Variants in FAAH2 observed in about 807,000 individuals in gnomAD.
The protein encoded by FAAH2 is fatty-acid amide hydrolase 2.
FAAH2 carries 60 observed loss-of-function variants against 36.9 expected under a neutral mutation model. The observed-to-expected ratio is 1.63, with a 90% CI of 1.32 to 2.02. The LOEUF is 2.02. Ranked by LOEUF, FAAH2 falls within the 30% of genes most tolerant of loss-of-function variation. FAAH2 has a pLI of 0.00. For missense variants in FAAH2, 689 were observed against 397.5 expected, an observed-to-expected ratio of 1.73 and a Z score of -6.23; for synonymous variants, 214 against 143.8, an observed-to-expected ratio of 1.49 and a Z score of -3.49.
In FAAH2 at chrX:57,295,314, G is replaced by A. The variant is rs1460343407; in HGVS notation, c.275+2734G>A. ...GAAAGGCTATTGTTGAAACAATGGT[G>A]TCAGGAACAGCAGGCAAACTGGAAG... On this transcript the variant is annotated intron_variant, in intron 2 of 10. Coordinates refer to ENST00000374900, the MANE Select transcript of FAAH2 (RefSeq NM_174912.4). Among the ~76,000 whole-genome samples, 3 of 112,238 alleles carry A rather than the reference G, an allele frequency of 2.7e-5. No individual in the cohort carries two copies. In the East Asian group the frequency reaches 8.4e-4, roughly 31 times the overall value.
intron 10 of FAAH2, among the ~76,000 whole-genome samples, chrX:57,476,993 G>A (rs1432605738): frequency 1.8e-5 from 2 of 111,171 alleles, no homozygotes; most frequent in African/African-American, 6.5e-5. Flanking sequence ...GCATAGAGGT[G>A]TTTACAGTAT....
At chrX:57,419,662 G>A (rs1344274993) in intron 7 of FAAH2, among the ~76,000 whole-genome samples, 1 of 111,689 alleles carries the variant, frequency 9.0e-6, no homozygotes, top group Non-Finnish European at 1.9e-5. Context: ...CTCCCAATTT[G>A]TAGGTTGCCT....
rs1399476272 is a variant in FAAH2 at position 57,488,870 on chromosome X, C to G, written c.1537C>G (p.Leu513Val). 8 of 1,210,979 alleles carry G rather than the reference C, an allele frequency of 6.6e-6. No individual in the cohort carries two copies. Among genetic ancestry groups the G allele is most frequent in the Non-Finnish European group, 8.9e-6 (8 of 895,348 alleles). ...VAGPFNDHLT[L>V]AVAQYLEKTF... ...TGGACCCTTTAATGATCATCTGACC[C>G]TGGCTGTGGCCCAGTACTTGGAGAA... is the stretch of plus-strand genomic sequence containing the variant. Residue 513 changes from leucine to valine, a missense_variant, in exon 11 of 11, where the codon CTG becomes GTG. By Grantham distance (32) the Leu-to-Val change is conservative. Transcript: ENST00000374900.
At chrX:57,453,275 T>C (rs2056815006) in intron 10 of FAAH2, among the ~76,000 whole-genome samples, 1 of 112,328 alleles carries the variant, frequency 8.9e-6, no homozygotes, top group Admixed American at 9.4e-5. Flanking sequence ...GTTGATAAAA[T>C]ATATTAACTA....
At chrX:57,168,803 C>T in the FAAH2 span, among the ~76,000 whole-genome samples, 4 of 111,655 alleles carry the variant, frequency 3.6e-5, no homozygotes, top group Admixed American at 9.5e-5. Context: ...TTATTACATG[C>T]ATTTTATAAT....
chrX:57,439,783 G>T (rs1330755207), intron 8 of FAAH2, among the ~76,000 whole-genome samples: 1 of 111,724 alleles, frequency 9.0e-6, no homozygotes, highest in Non-Finnish European at 1.9e-5. Context: ...TTTGCATAAG[G>T]TGTAAGGAAG....
intron 3 of FAAH2, among the ~76,000 whole-genome samples, chrX:57,323,095 G>A (rs1280358577): frequency 9.0e-6 from 1 of 110,623 alleles, no homozygotes; most frequent in East Asian, 2.8e-4. Context: ...TTGGTTTTTT[G>A]TCTTTGCAAC....
chrX:57,443,575 A>G (rs748814679), intron 8 of FAAH2, among the ~76,000 whole-genome samples: 59 of 111,730 alleles, frequency 5.3e-4, no homozygotes, highest in Non-Finnish European at 5.3e-4. Context: ...AGCTTGGAGA[A>G]GTTTGTTATT....
At chrX:57,441,138 T>G (rs756470309) in intron 8 of FAAH2, among the ~76,000 whole-genome samples, 3 of 111,583 alleles carry the variant, frequency 2.7e-5, no homozygotes, top group Non-Finnish European at 5.6e-5. Flanking sequence ...TTAGGGAGGA[T>G]TCCCTCTTTT....
the FAAH2 span, chrX:57,136,180 C>T: frequency 1.7e-6 from 2 of 1,211,262 alleles, no homozygotes; most frequent in Non-Finnish European, 2.2e-6. Flanking sequence ...GAACCATGCT[C>T]TCCCTCAAAC....
At chrX:57,174,028 T>C in the FAAH2 span, among the ~76,000 whole-genome samples, 7 of 111,384 alleles carry the variant, frequency 6.3e-5, no homozygotes, top group South Asian at 2.6e-3. Context: ...TCTGTAGTTT[T>C]CATTTTTTAT....
At chrX:57,321,268 G>C (rs1352587248) in intron 3 of FAAH2, among the ~76,000 whole-genome samples, 1 of 110,359 alleles carries the variant, frequency 9.1e-6, no homozygotes, top group East Asian at 2.8e-4. Context: ...AGTGGGAGTT[G>C]AGTAATGAGA....
intron 10 of FAAH2, among the ~76,000 whole-genome samples, chrX:57,454,620 T>G (rs893665069): frequency 8.9e-6 from 1 of 111,820 alleles, no homozygotes; most frequent in African/African-American, 3.3e-5. Flanking sequence ...AAATTAAATT[T>G]TTGGAACTGA....
At chrX:57,187,912 C>T in the FAAH2 span, among the ~76,000 whole-genome samples, 1 of 111,237 alleles carries the variant, frequency 9.0e-6, no homozygotes, top group East Asian at 2.8e-4. Flanking sequence ...AGGATGAAGC[C>T]GACTTGTTCA....
At chrX:57,255,714 A>G in the FAAH2 span, among the ~76,000 whole-genome samples, 1 of 112,112 alleles carries the variant, frequency 8.9e-6, no homozygotes, top group Non-Finnish European at 1.9e-5. Flanking sequence ...GACCTTCGAC[A>G]AAAATTCAAC....
At chrX:57,425,058 A>G (rs1160073566) in intron 7 of FAAH2, among the ~76,000 whole-genome samples, 1 of 111,764 alleles carries the variant, frequency 8.9e-6, no homozygotes, top group Non-Finnish European at 1.9e-5. Context: ...ATCTGAAAAT[A>G]AAAAATTAGA....
the FAAH2 span, among the ~76,000 whole-genome samples, chrX:57,157,179 C>T: frequency 1.2e-4 from 13 of 111,634 alleles, no homozygotes; most frequent in Non-Finnish European, 1.1e-4. Context: ...GAGTCTTTCT[C>T]TGAGCTGCAC....
chrX:57,286,941 A>T lies in FAAH2; in HGVS notation c.116A>T (p.Lys39Met). The T allele has an allele frequency of 8.3e-7, 1 of 1,205,385 alleles. No homozygotes were observed. Among genetic ancestry groups the T allele is most frequent in the Non-Finnish European group, 1.1e-6 (1 of 892,473 alleles). Residue 39 changes from lysine to methionine, a missense_variant, in exon 1 of 11, where the codon AAG (lysine) becomes ATG (methionine). Physicochemically the swap from Lys to Met is moderately conservative, Grantham distance 95 (BLOSUM62 -1). Coordinates refer to ENST00000374900, the MANE Select transcript of FAAH2 (RefSeq NM_174912.4). Reference sequence around the variant, plus strand: ...TTAGGGGGTCCAAAGTTTGCCTCAAAGACCCCTCGGCCGGTGACTGAACCA... The same window carrying T: ...TTAGGGGGTCCAAAGTTTGCCTCAATGACCCCTCGGCCGGTGACTGAACCA... ...LVLGGPKFAS[K>M]TPRPVTEPLL...
chrX:57,392,673 A>T (rs985187193), intron 7 of FAAH2: 1 of 649,535 alleles, frequency 1.5e-6, no homozygotes, highest in African/African-American at 2.2e-5. Context: ...GTTCTGTTTC[A>T]GGGTCCAAAT....
Sources: allele counts gnomAD v4.1 joint callset (sites outside exome capture counted in the v4.1 genomes callset), GRCh38; gene constraint gnomAD v4.1.1; transcripts MANE v1.5; gene names NCBI Gene and HGNC (gene_info 2026-07-23, HGNC 2026-07-21).